Variants in PPM1H observed in about 807,000 individuals in gnomAD.
PPM1H encodes the protein protein phosphatase, Mg2+/Mn2+ dependent 1H.
A neutral mutation model predicts 54.9 loss-of-function variants in PPM1H; 27 were observed. That is an observed-to-expected ratio of 0.49 (90% CI 0.36 to 0.68). The LOEUF (loss-of-function observed/expected upper bound fraction) is 0.68, where lower values mean the gene tolerates loss of function less well. Ranked by LOEUF, PPM1H falls within the 30% of genes least tolerant of loss-of-function variation. PPM1H has a pLI of 0.00. For missense variants in PPM1H, 596 were observed against 667.8 expected (o/e 0.89, Z 1.19); for synonymous variants, 305 against 270.8 (o/e 1.13, Z -1.24).
At chr12:62,877,208 CT>C (rs1179438193) in intron 1 of PPM1H, among the ~76,000 whole-genome samples, 5 of 152,196 alleles carry the variant, frequency 3.3e-5, no homozygotes, top group Non-Finnish European at 7.3e-5. Context: ...CCTCCCAGGA[CT>C]TATACTGTGT....
chr12:62,793,740 C>CA (rs34457644), intron 3 of PPM1H, among the ~76,000 whole-genome samples: 9,589 of 59,510 alleles, frequency 0.16, 576 homozygotes, highest in Middle Eastern at 0.19. Context: ...AACTCCGTTT[C>CA]AAAAAAAAAA....
intron 2 of PPM1H, among the ~76,000 whole-genome samples, chr12:62,807,164 G>A (rs114080736): frequency 2.6e-5 from 4 of 152,270 alleles, no homozygotes; most frequent in African/African-American, 9.6e-5. Context: ...GGTGGAGAGA[G>A]AGGTAGCAGC....
intron 1 of PPM1H, among the ~76,000 whole-genome samples, chr12:62,931,575 G>A (rs1006538072): frequency 2.6e-5 from 4 of 152,176 alleles, no homozygotes; most frequent in African/African-American, 9.7e-5. Context: ...AGACTTTAGT[G>A]GCTATTCCTG....
At chr12:62,891,772 T>G (rs899701211) in intron 1 of PPM1H, among the ~76,000 whole-genome samples, 3 of 152,234 alleles carry the variant, frequency 2.0e-5, no homozygotes, top group Non-Finnish European at 4.4e-5. Flanking sequence ...TGGATCACTA[T>G]ACTCTTCAGT....
At chr12:62,873,294 C>G (rs950917533) in intron 1 of PPM1H, among the ~76,000 whole-genome samples, 1 of 152,212 alleles carries the variant, frequency 6.6e-6, no homozygotes, top group Admixed American at 6.5e-5. Flanking sequence ...TACACACATG[C>G]GCACCTTTTG....
In PPM1H at chr12:62,646,007, A is replaced by C. The variant is rs1271371816; in HGVS notation, c.*2482T>G. ...TAAGCTCAATTTATAGAGCAATATC[A>C]GTGCTGGACAGATCTGCCATGCTTC... On this transcript the variant is annotated 3_prime_UTR_variant, in exon 10 of 10. Coordinates refer to ENST00000228705, the MANE Select transcript of PPM1H (RefSeq NM_020700.2). 1 of 152,220 alleles carries C rather than the reference A, an allele frequency of 6.6e-6. No individual in the cohort carries two copies. Among genetic ancestry groups the C allele is most frequent in the Admixed American group, 6.5e-5 (1 of 15,288 alleles). The allele number at this position is 152,220 out of a possible 1,614,324, so 9.4% of individuals were successfully genotyped here. A position where few individuals can be genotyped will look rare whatever the true frequency, so the allele number is the denominator to read the frequency against.
intron 5 of PPM1H, among the ~76,000 whole-genome samples, chr12:62,734,085 T>C (rs1029502663): frequency 3.3e-5 from 5 of 151,648 alleles, no homozygotes; most frequent in African/African-American, 9.7e-5. Flanking sequence ...ATTAGAGCCC[T>C]TATAAAAGAG....
chr12:62,930,123 C>A (rs988228955), intron 1 of PPM1H, among the ~76,000 whole-genome samples: 3 of 152,158 alleles, frequency 2.0e-5, no homozygotes, highest in African/African-American at 7.2e-5. Flanking sequence ...TGGTAATAAG[C>A]AATTAGTGCC....
intron 2 of PPM1H, among the ~76,000 whole-genome samples, chr12:62,803,474 T>A (rs1478411389): frequency 6.6e-6 from 1 of 152,138 alleles, no homozygotes; most frequent in Non-Finnish European, 1.5e-5. Context: ...TAAATGGTAT[T>A]AGGAAAAGTG....
At chr12:62,658,231 CACAG>C (rs2075858713) in intron 9 of PPM1H, among the ~76,000 whole-genome samples, 1 of 126,246 alleles carries the variant, frequency 7.9e-6, no homozygotes, top group African/African-American at 3.2e-5. Flanking sequence ...AAGAAGTTTC[CACAG>C]ACAGTTTTGG....
At chr12:62,714,169 C>T (rs891373195) in intron 6 of PPM1H, among the ~76,000 whole-genome samples, 2 of 152,118 alleles carry the variant, frequency 1.3e-5, no homozygotes, top group African/African-American at 4.8e-5. Flanking sequence ...CCACTAGCCA[C>T]ATGTGGCTAC....
chr12:62,884,807 C>CTAAA (rs1475148161), intron 1 of PPM1H, among the ~76,000 whole-genome samples: 2 of 152,108 alleles, frequency 1.3e-5, no homozygotes, highest in African/African-American at 4.8e-5. Context: ...TCTCACAAAA[C>CTAAA]TAAAATTAAG....
chr12:62,830,416 C>T lies in PPM1H; in HGVS notation c.411+1698G>A, dbSNP rs888195259. On this transcript the variant is annotated intron_variant, in intron 2 of 9. Transcript: ENST00000228705. ...GACTACAGGCACCCGCCACCATGCC[C>T]GGCTAATTTTTTGTATTTTTAGTAG... Among the ~76,000 whole-genome samples, 14 of 152,046 alleles carry T rather than the reference C, an allele frequency of 9.2e-5. 1 individual carries two copies. The highest frequency in any genetic ancestry group is 1.9e-4 in the East Asian group (1 of 5,158).
intron 5 of PPM1H, among the ~76,000 whole-genome samples, chr12:62,726,735 G>C (rs2076291791): frequency 6.6e-6 from 1 of 152,180 alleles, no homozygotes; most frequent in Admixed American, 6.5e-5. Flanking sequence ...CAGAATTCAG[G>C]TGACCATGAC....
intron 1 of PPM1H, among the ~76,000 whole-genome samples, chr12:62,888,256 G>A (rs1870662162): frequency 6.6e-6 from 1 of 152,106 alleles, no homozygotes; most frequent in Admixed American, 6.5e-5. Context: ...AAAATGGAGG[G>A]AGAGGCAGGA....
At chr12:62,888,318 G>C (rs748620700) in intron 1 of PPM1H, among the ~76,000 whole-genome samples, 24 of 152,140 alleles carry the variant, frequency 1.6e-4, no homozygotes, top group Non-Finnish European at 2.2e-4. Flanking sequence ...TGCCCATGAG[G>C]AAGAAGCCAA....
chr12:62,650,715 C>T (rs1032713102), intron 9 of PPM1H, among the ~76,000 whole-genome samples: 5 of 151,572 alleles, frequency 3.3e-5, no homozygotes, highest in African/African-American at 7.3e-5. Flanking sequence ...TACATGGCAG[C>T]GGGAGACAGT....
At chr12:62,874,796 C>T (rs763402431) in intron 1 of PPM1H, among the ~76,000 whole-genome samples, 3 of 152,192 alleles carry the variant, frequency 2.0e-5, no homozygotes, top group African/African-American at 4.8e-5. Flanking sequence ...AGCCCAGACA[C>T]GTTTATATAG....
At chr12:62,800,949 T>A (rs995200993) in intron 3 of PPM1H, among the ~76,000 whole-genome samples, 3 of 152,186 alleles carry the variant, frequency 2.0e-5, no homozygotes, top group African/African-American at 7.2e-5. Context: ...GAACTCCCGA[T>A]CAGACCCATT....
Sources: gnomAD v4.1 joint callset for allele counts (sites outside exome capture counted in the v4.1 genomes callset) on GRCh38, gnomAD v4.1.1 for gene constraint, MANE v1.5 for transcripts, NCBI Gene and HGNC (gene_info 2026-07-23, HGNC 2026-07-21) for gene names.